NEK11: variants seen among roughly 807,000 people sequenced by gnomAD.
NEK11 encodes the protein serine/threonine-protein kinase Nek11.
NEK11 carries 72 observed loss-of-function variants against 80.7 expected under a neutral mutation model. The observed-to-expected ratio is 0.89, with a 90% CI of 0.74 to 1.08. NEK11 has a LOEUF of 1.08. Among genes scored for constraint, NEK11 ranks in the 50% least tolerant of loss-of-function variants. The pLI, the probability that NEK11 is intolerant of heterozygous loss-of-function variation, is 0.00. For synonymous variants in NEK11, 251 were observed against 260.7 expected (o/e 0.96, Z 0.36); for missense variants, 764 against 763.6 (o/e 1.00, Z -0.01).
At chr3:131,031,964 GTTTT>G (rs71620101) in intron 3 of NEK11, among the ~76,000 whole-genome samples, 1 of 135,006 alleles carries the variant, frequency 7.4e-6, no homozygotes, top group Non-Finnish European at 1.7e-5. Context: ...AAATTAATCA[GTTTT>G]TTTTTTTTTT....
chr3:131,328,074 A>T (rs571076249), intron 17 of NEK11, among the ~76,000 whole-genome samples: 1 of 152,166 alleles, frequency 6.6e-6, no homozygotes, highest in South Asian at 2.1e-4. Flanking sequence ...GCTTGAGGCT[A>T]GGAGTTTGAG....
At chr3:131,266,959 C>T (rs1392409286) in intron 16 of NEK11, among the ~76,000 whole-genome samples, 1 of 152,142 alleles carries the variant, frequency 6.6e-6, no homozygotes, top group African/African-American at 2.4e-5. Flanking sequence ...TTCTTTGTCT[C>T]TTTTAATCTT....
chr3:131,252,093 C>A (rs779378619), intron 16 of NEK11, among the ~76,000 whole-genome samples: 1 of 152,114 alleles, frequency 6.6e-6, no homozygotes, highest in Non-Finnish European at 1.5e-5. Flanking sequence ...GGCCCACTAA[C>A]TGTAATAATA....
At chr3:131,277,003 G>A (rs1472344808) in intron 17 of NEK11, among the ~76,000 whole-genome samples, 1 of 152,106 alleles carries the variant, frequency 6.6e-6, no homozygotes, top group African/African-American at 2.4e-5. Context: ...CAGGCCAGTT[G>A]TTTTGTAAGA....
At chr3:131,255,167 T>A (rs149177331) in intron 16 of NEK11, among the ~76,000 whole-genome samples, 11 of 151,990 alleles carry the variant, frequency 7.2e-5, no homozygotes, top group African/African-American at 2.4e-4. Context: ...TTTAAGAATG[T>A]TAAAGTTTGT....
chr3:131,095,231 G>T (rs1009112462), intron 4 of NEK11, among the ~76,000 whole-genome samples: 2 of 151,968 alleles, frequency 1.3e-5, no homozygotes, highest in Admixed American at 6.6e-5. Context: ...GCTTGATGTG[G>T]GGTTAGTGGT....
At position 131,168,836 on chromosome 3, in the gene NEK11, A is replaced by G; in HGVS notation, c.1183A>G (p.Thr395Ala). The G allele has an allele frequency of 1.2e-6, 2 of 1,612,678 alleles. No homozygotes were observed. Among genetic ancestry groups the G allele is most frequent in the Non-Finnish European group, 1.7e-6 (2 of 1,178,950 alleles). Residue 395 changes from threonine to alanine, a missense_variant, in exon 13 of 18, where the codon ACA becomes GCA. Coordinates refer to ENST00000383366, the MANE Select transcript of NEK11 (RefSeq NM_024800.5). Reference protein sequence around the residue: ...QLSVDVLHEKTHLKGMEEKEE... With the variant: ...QLSVDVLHEKAHLKGMEEKEE... ...TTTGTCATAATCTCTTTAGGAAAAA[A>G]CACATTTAAAAGGAATGGAAGAAAA... is the stretch of plus-strand genomic sequence containing the variant.
In NEK11 at chr3:131,057,827, A is replaced by G. The variant is rs562921059; in HGVS notation, c.171-22596A>G. On this transcript the variant is annotated intron_variant, in intron 3 of 17. Transcript: ENST00000383366. ...GAGTAGGTTGCAAAAATTTTCTCCC[A>G]TTTTGTAGGTTGCCTGTTCACTCTG... 5.5e-4 allele frequency among the ~76,000 whole-genome samples: 84 copies of G among 151,972 alleles called. 3 individuals carry two copies. The South Asian group carries it at 0.017, about 31-fold the overall frequency.
At chr3:131,124,199 C>A (rs986905574) in intron 5 of NEK11, among the ~76,000 whole-genome samples, 14 of 152,240 alleles carry the variant, frequency 9.2e-5, no homozygotes, top group African/African-American at 3.4e-4. Flanking sequence ...CTACAAGATT[C>A]CAGCAGACTT....
chr3:131,340,305 G>T (rs2097264943), intron 17 of NEK11, among the ~76,000 whole-genome samples: 1 of 152,146 alleles, frequency 6.6e-6, no homozygotes, highest in African/African-American at 2.4e-5. Context: ...TTTTCTGTAA[G>T]TATGGGATTC....
At chr3:131,233,073 T>G (rs986672797) in intron 15 of NEK11, among the ~76,000 whole-genome samples, 1 of 150,736 alleles carries the variant, frequency 6.6e-6, no homozygotes, top group Non-Finnish European at 1.5e-5. Flanking sequence ...GCAATTCTGA[T>G]AAAACCTTGG....
chr3:131,149,306 T>C (rs533461193), intron 7 of NEK11, among the ~76,000 whole-genome samples: 1 of 152,240 alleles, frequency 6.6e-6, no homozygotes, highest in African/African-American at 2.4e-5. Context: ...GCAAAGGACA[T>C]GATCTCATTC....
At chr3:131,098,144 A>C (rs958441728) in intron 4 of NEK11, among the ~76,000 whole-genome samples, 1 of 152,098 alleles carries the variant, frequency 6.6e-6, no homozygotes, top group African/African-American at 2.4e-5. Flanking sequence ...CACCTTATAC[A>C]AAAATTAATT....
At chr3:131,313,347 T>C (rs1561497110) in intron 17 of NEK11, among the ~76,000 whole-genome samples, 2 of 152,198 alleles carry the variant, frequency 1.3e-5, no homozygotes, top group Non-Finnish European at 2.9e-5. Flanking sequence ...AGTAATGGTA[T>C]CACTGGGTCG....
chr3:131,278,027 T>A (rs911750293), intron 17 of NEK11, among the ~76,000 whole-genome samples: 24 of 152,366 alleles, frequency 1.6e-4, no homozygotes, highest in African/African-American at 5.8e-4. Context: ...GTGTTTGTGA[T>A]GTTTTATACC....
chr3:131,218,520 A>T (rs991033657), intron 14 of NEK11, among the ~76,000 whole-genome samples: 10 of 152,222 alleles, frequency 6.6e-5, no homozygotes, highest in Non-Finnish European at 1.3e-4. Flanking sequence ...TGTGGAGAAT[A>T]GAGTATCTGT....
chr3:131,306,260 T>G (rs2109307994), intron 17 of NEK11, among the ~76,000 whole-genome samples: 1 of 152,318 alleles, frequency 6.6e-6, no homozygotes, highest in Non-Finnish European at 1.5e-5. Flanking sequence ...TTTTACCTTT[T>G]AATATGTCTT....
intron 7 of NEK11, among the ~76,000 whole-genome samples, chr3:131,150,375 A>AT (rs1378012590): frequency 2.0e-5 from 3 of 150,718 alleles, no homozygotes; most frequent in African/African-American, 7.3e-5. Flanking sequence ...ATCTTTATTG[A>AT]TTTTTTTAAT....
At chr3:131,162,142 A>T (rs894796291) in intron 10 of NEK11, among the ~76,000 whole-genome samples, 2 of 152,252 alleles carry the variant, frequency 1.3e-5, no homozygotes, top group African/African-American at 4.8e-5. Context: ...GTTTTACATT[A>T]TGAAAACTAG....
Sources: allele counts gnomAD v4.1 joint callset (sites outside exome capture counted in the v4.1 genomes callset), GRCh38; gene constraint gnomAD v4.1.1; transcripts MANE v1.5; gene names NCBI Gene and HGNC (gene_info 2026-07-23, HGNC 2026-07-21).